Variants in LRRTM4 observed in about 807,000 individuals in gnomAD.
LRRTM4 encodes the protein leucine rich repeat transmembrane neuronal 4.
In LRRTM4, 25 loss-of-function variants were observed where a neutral mutation model predicts 47.6. The observed-to-expected ratio is 0.53, with a 90% CI of 0.38 to 0.73. The LOEUF is 0.73. Among genes scored for constraint, LRRTM4 ranks in the 30% least tolerant of loss-of-function variants. LRRTM4 has a pLI of 0.00. For missense variants in LRRTM4, 638 were observed against 713.4 expected (o/e 0.89, Z 1.20); for synonymous variants, 311 against 269.5 (o/e 1.15, Z -1.51).
In LRRTM4 at chr2:76,992,113, C is replaced by G. The variant is rs527566277; in HGVS notation, c.1552-243197G>C. ...CTGCACGATAAAAATTCTCAGCACA[C>G]TAGGCAGTGAAGAAACATGACTCAA... On this transcript the variant is annotated intron_variant, in intron 3 of 3. Transcript: ENST00000409884. 7.9e-5 allele frequency among the ~76,000 whole-genome samples: 12 copies of G among 151,744 alleles called. No homozygotes were observed. The South Asian group carries it at 2.5e-3, about 31-fold the overall frequency.
intron 3 of LRRTM4, among the ~76,000 whole-genome samples, chr2:77,082,757 GTTTGTTCT>G (rs1680573763): frequency 6.6e-6 from 1 of 151,942 alleles, no homozygotes; most frequent in African/African-American, 2.4e-5. Flanking sequence ...TTTTGAACAT[GTTTGTTCT>G]TCTCTAACAA....
intron 3 of LRRTM4, among the ~76,000 whole-genome samples, chr2:76,947,860 T>TC (rs960544348): frequency 6.6e-6 from 1 of 151,798 alleles, no homozygotes; most frequent in African/African-American, 2.4e-5. Context: ...CAGATTCTTA[T>TC]CAGAGCCCAA....
chr2:77,252,810 A>T (rs1384011133), intron 3 of LRRTM4, among the ~76,000 whole-genome samples: 3 of 152,118 alleles, frequency 2.0e-5, no homozygotes, highest in Non-Finnish European at 4.4e-5. Flanking sequence ...AGTTTAAACA[A>T]GAGAAATTTA....
chr2:76,956,517 C>G (rs1675679543), intron 3 of LRRTM4, among the ~76,000 whole-genome samples: 1 of 150,856 alleles, frequency 6.6e-6, no homozygotes, highest in Admixed American at 6.6e-5. Context: ...GAAGAAAAAT[C>G]TCAAATAAAC....
At chr2:77,326,451 T>C (rs1335226396) in intron 3 of LRRTM4, among the ~76,000 whole-genome samples, 1 of 152,172 alleles carries the variant, frequency 6.6e-6, no homozygotes, top group African/African-American at 2.4e-5. Context: ...TGGACAGCAG[T>C]AGTATGATCA....
chr2:77,411,545 C>T (rs1204242508), intron 3 of LRRTM4, among the ~76,000 whole-genome samples: 3 of 148,164 alleles, frequency 2.0e-5, no homozygotes, highest in Admixed American at 1.3e-4. Flanking sequence ...CTCCGCCTCC[C>T]GGGTTCACGC....
At chr2:76,908,063 T>A (rs1388897871) in intron 3 of LRRTM4, among the ~76,000 whole-genome samples, 2 of 151,848 alleles carry the variant, frequency 1.3e-5, no homozygotes, top group Non-Finnish European at 2.9e-5. Context: ...TAGACCAATA[T>A]CCTTGATGAA....
chr2:77,362,096 A>C (rs1672236176), intron 3 of LRRTM4, among the ~76,000 whole-genome samples: 1 of 149,064 alleles, frequency 6.7e-6, no homozygotes, highest in Non-Finnish European at 1.5e-5. Context: ...TCAAAAAAGG[A>C]AAAGGAAAGA....
At position 77,521,784 on chromosome 2, in the gene LRRTM4, C is replaced by G; in HGVS notation, c.-113G>C. 5.1e-6 allele frequency: 6 copies of G among 1,165,468 alleles called. No homozygotes were observed. The highest frequency in any genetic ancestry group is 6.3e-6 in the Non-Finnish European group (5 of 794,142). 72.2% of individuals were successfully genotyped at this position (1,165,468 alleles called of 1,614,324 possible). ...CAGTGCGGCTGTCATTCACACCATTCTGATCCCGCATGTGAGCTAGTAGCC... is the reference window on the plus strand; with the variant it reads ...CAGTGCGGCTGTCATTCACACCATTGTGATCCCGCATGTGAGCTAGTAGCC... On this transcript the variant is annotated 5_prime_UTR_variant, in exon 2 of 4. Transcript: ENST00000409884.
At chr2:77,083,817 T>G (rs1253644806) in intron 3 of LRRTM4, among the ~76,000 whole-genome samples, 1 of 110,338 alleles carries the variant, frequency 9.1e-6, no homozygotes, top group Non-Finnish European at 1.7e-5. Context: ...TTTTTTTTTT[T>G]TTTTTCAGAC....
intron 3 of LRRTM4, among the ~76,000 whole-genome samples, chr2:77,019,270 A>AAAT (rs1678183127): frequency 6.6e-6 from 1 of 151,204 alleles, no homozygotes; most frequent in Non-Finnish European, 1.5e-5. Context: ...AAAAAAAAAA[A>AAAT]AAAAAATATA....
intron 3 of LRRTM4, among the ~76,000 whole-genome samples, chr2:77,087,201 A>G (rs1224795559): frequency 2.0e-5 from 3 of 152,210 alleles, no homozygotes; most frequent in Non-Finnish European, 2.9e-5. Context: ...GTGGGCATAC[A>G]TACACAAATA....
chr2:77,242,842 C>G (rs1408030543), intron 3 of LRRTM4, among the ~76,000 whole-genome samples: 1 of 152,046 alleles, frequency 6.6e-6, no homozygotes, highest in Non-Finnish European at 1.5e-5. Context: ...AGTAGAATTA[C>G]CCTATAATCC....
At chr2:77,137,334 A>G (rs1362460384) in intron 3 of LRRTM4, among the ~76,000 whole-genome samples, 3 of 151,910 alleles carry the variant, frequency 2.0e-5, no homozygotes, top group African/African-American at 7.3e-5. Flanking sequence ...ATTCTTAAAG[A>G]AAACAATTTT....
chr2:77,220,576 G>T (rs191235223), intron 3 of LRRTM4, among the ~76,000 whole-genome samples: 1 of 152,170 alleles, frequency 6.6e-6, no homozygotes, highest in East Asian at 1.9e-4. Flanking sequence ...CTCAGTAACC[G>T]ATGTGATCAA....
intron 3 of LRRTM4, among the ~76,000 whole-genome samples, chr2:77,084,667 T>C (rs927224761): frequency 6.6e-6 from 1 of 152,202 alleles, no homozygotes; most frequent in Admixed American, 6.5e-5. Flanking sequence ...TGTTATATTT[T>C]CAAGTTATTT....
intron 3 of LRRTM4, among the ~76,000 whole-genome samples, chr2:77,178,999 G>A (rs1181079037): frequency 6.6e-6 from 1 of 151,980 alleles, no homozygotes; most frequent in African/African-American, 2.4e-5. Flanking sequence ...TAATATCTAT[G>A]GATTCAATAT....
intron 3 of LRRTM4, among the ~76,000 whole-genome samples, chr2:76,935,323 T>G (rs2103845690): frequency 6.6e-6 from 1 of 152,320 alleles, no homozygotes; most frequent in East Asian, 1.9e-4. Context: ...TAGGATTGTC[T>G]TGGCTATGCG....
chr2:77,415,842 G>T (rs1027834854), intron 3 of LRRTM4, among the ~76,000 whole-genome samples: 1 of 152,006 alleles, frequency 6.6e-6, no homozygotes, highest in South Asian at 2.1e-4. Flanking sequence ...CACAGTGTTG[G>T]TATATAAGAG....
Sources: allele counts gnomAD v4.1 joint callset (sites outside exome capture counted in the v4.1 genomes callset), GRCh38; gene constraint gnomAD v4.1.1; transcripts MANE v1.5; gene names NCBI Gene and HGNC (gene_info 2026-07-23, HGNC 2026-07-21).